Variants in CYGB observed in about 807,000 individuals in gnomAD.
The protein encoded by CYGB is histoglobin.
Under a neutral mutation model 20.7 loss-of-function variants are expected in CYGB, and 13 were observed. That is an observed-to-expected ratio of 0.63 (90% confidence interval 0.41 to 1.00). The LOEUF (loss-of-function observed/expected upper bound fraction) is 1.00, where lower values mean the gene tolerates loss of function less well. Among genes scored for constraint, CYGB ranks in the 50% least tolerant of loss-of-function variants. CYGB has a pLI of 0.00. For synonymous variants in CYGB, 93 were observed against 107.4 expected, an observed-to-expected ratio of 0.87 and a Z score of 0.83; for missense variants, 218 against 257.2, an observed-to-expected ratio of 0.85 and a Z score of 1.04.
chr17:76,544,019 G>A (rs2075023669), intron 1 of CYGB: 3 of 455,724 alleles, frequency 6.6e-6, no homozygotes, highest in African/African-American at 4.0e-5. Flanking sequence ...ATTTGCTGAT[G>A]CTCAGTCCCG....
upstream of CYGB, chr17:76,540,118 G>A (rs1470251445): frequency 1.3e-5 from 21 of 1,592,002 alleles, no homozygotes; most frequent in Non-Finnish European, 1.6e-5. The surrounding 1 kb of genome is among the most constrained non-coding windows in gnomAD (Gnocchi z 5.0). Flanking sequence ...GACTTGGCCT[G>A]GGAGGGGATG....
At chr17:76,541,763 A>G (rs2074995336), upstream of CYGB, among the ~76,000 whole-genome samples, 2 of 152,246 alleles carry the variant, frequency 1.3e-5, no homozygotes, top group Admixed American at 6.5e-5. Context: ...GGTCCACGCT[A>G]TTGAGCCCGG....
intron 1 of CYGB, among the ~76,000 whole-genome samples, chr17:76,532,637 T>G (rs1328962043): frequency 6.6e-6 from 1 of 151,420 alleles, no homozygotes; most frequent in African/African-American, 2.4e-5. Flanking sequence ...GTTCAAGTGA[T>G]TCTCTTGCCT....
rs2074828121 is a variant in CYGB at position 76,530,853 on chromosome 17, T to C, written c.539+126A>G. ...TGTTCTTACATGTCAGACCCCAGGG[T>C]TGGCCTGCCTCAAGTGTGCCTGCCC... On this transcript the variant is annotated intron_variant, in intron 3 of 3. Transcript: ENST00000293230. The surrounding 1 kb of genome is among the most constrained non-coding windows in gnomAD (Gnocchi z 6.1). 2 of 1,066,856 alleles carry C rather than the reference T, an allele frequency of 1.9e-6. No homozygotes were observed. Among genetic ancestry groups the C allele is most frequent in the Non-Finnish European group, 2.6e-6 (2 of 757,112 alleles). 66.1% of individuals were successfully genotyped at this position (1,066,856 alleles called of 1,614,324 possible).
At chr17:76,538,032 G>A (rs953775260), upstream of CYGB, 3 of 152,060 alleles carry the variant, frequency 2.0e-5, no homozygotes, top group East Asian at 5.8e-4. Flanking sequence ...GAGTGCGCTG[G>A]GGCGGGCGCG....
chr17:76,530,957 C>A lies in CYGB; in HGVS notation c.539+22G>T, dbSNP rs1415825266. The A allele has an allele frequency of 3.2e-6, 5 of 1,552,246 alleles. No individual in the cohort carries two copies. Among genetic ancestry groups the A allele is most frequent in the Non-Finnish European group, 2.6e-6 (3 of 1,146,040 alleles). On this transcript the variant is annotated intron_variant, in intron 3 of 3. Coordinates refer to ENST00000293230, the MANE Select transcript of CYGB (RefSeq NM_134268.5). The surrounding 1 kb of genome is among the most constrained non-coding windows in gnomAD (Gnocchi z 6.1). ...GGACATGGCGGGGAGGCTGCCCAGCCCACCCTCGCCCGCCTCCTCACGTGG... is the reference window on the plus strand; with the variant it reads ...GGACATGGCGGGGAGGCTGCCCAGCACACCCTCGCCCGCCTCCTCACGTGG...
upstream of CYGB, chr17:76,540,657 CTG>C: frequency 7.7e-7 from 1 of 1,300,660 alleles, no homozygotes; most frequent in South Asian, 1.2e-5. This position sits in a 1 kb window ranked among gnomAD's most constrained non-coding sequence, Gnocchi z 5.0. Flanking sequence ...ACGTGTGTGC[CTG>C]TGCGCGCCTG....
chr17:76,534,606 T>G (rs1375739559), intron 1 of CYGB, among the ~76,000 whole-genome samples: 1 of 152,242 alleles, frequency 6.6e-6, no homozygotes, highest in African/African-American at 2.4e-5. Context: ...TCTCCTGAGG[T>G]AGGCACTGTT....
chr17:76,548,570 C>T (rs375255262), intron 1 of CYGB, among the ~76,000 whole-genome samples: 17 of 152,276 alleles, frequency 1.1e-4, no homozygotes, highest in Non-Finnish European at 1.9e-4. Flanking sequence ...CTCTGGACCT[C>T]GGTTTCCTCA....
At position 76,544,583 on chromosome 17, in the gene CYGB, G is replaced by A. The variant is rs73998961; in HGVS notation, c.-53+6279C>T. On this transcript the variant is annotated intron_variant, in intron 1 of 3. Transcript: ENST00000589145. ...GAGCCTGCAGAGGCAAAGCCAGAGC[G>A]CCAGCCTGACCCAGGCCGTGAGCCC... is the stretch of plus-strand genomic sequence containing the variant. The A allele has an allele frequency of 0.019, 8,501 of 456,658 alleles. 230 individuals are homozygous for A. Among genetic ancestry groups the A allele is most frequent in the African/African-American group, 0.082 (4,104 of 50,176 alleles). 28.3% of individuals were successfully genotyped at this position (456,658 alleles called of 1,614,324 possible).
In CYGB at chr17:76,533,727, G is replaced by A. The variant is rs182374773; in HGVS notation, c.144-2036C>T. On this transcript the variant is annotated intron_variant, in intron 1 of 3. Coordinates refer to ENST00000293230, the MANE Select transcript of CYGB (RefSeq NM_134268.5). The surrounding 1 kb of genome is among the most constrained non-coding windows in gnomAD (Gnocchi z 4.5). ...GACAGAGTGAGACCCTGAATCCAAAGAAATAATGATAATAATAATAATAAA... is the reference window on the plus strand; with the variant it reads ...GACAGAGTGAGACCCTGAATCCAAAAAAATAATGATAATAATAATAATAAA... Among the ~76,000 whole-genome samples the A allele has an allele frequency of 2.2e-3, 339 of 151,130 alleles. No individual in the cohort carries two copies. Among genetic ancestry groups the A allele is most frequent in the African/African-American group, 7.6e-3 (313 of 41,118 alleles).
rs2074839247 is a variant in CYGB, at chr17:76,531,336, C to T, written c.375+124G>A. 1.5e-6 allele frequency: 2 copies of T among 1,308,092 alleles called. No homozygotes were observed. Among genetic ancestry groups the T allele is most frequent in the Admixed American group, 4.5e-5 (2 of 44,348 alleles). The allele number at this position is 1,308,092 out of a possible 1,614,324, so 81.0% of individuals were successfully genotyped here. A position where few individuals can be genotyped will look rare whatever the true frequency, so the allele number is the denominator to read the frequency against. ...TCCATCCTGCTGCCGGGCACTGCCC[C>T]TCCCTCTCGCAGCCACTCCGGGGAT... On this transcript the variant is annotated intron_variant, in intron 2 of 3. Coordinates refer to ENST00000293230, the MANE Select transcript of CYGB (RefSeq NM_134268.5). This position sits in a 1 kb window ranked among gnomAD's most constrained non-coding sequence, Gnocchi z 7.4.
upstream of CYGB, chr17:76,540,181 C>G: frequency 6.3e-7 from 1 of 1,578,882 alleles, no homozygotes; most frequent in South Asian, 1.1e-5. This position sits in a 1 kb window ranked among gnomAD's most constrained non-coding sequence, Gnocchi z 5.0. Flanking sequence ...CCTGGCCATG[C>G]TCTGGCGCCG....
chr17:76,543,037 C>G, intron 1 of CYGB: 1 of 473,586 alleles, frequency 2.1e-6, no homozygotes, highest in East Asian at 6.9e-5. Context: ...AGCTCAGGTC[C>G]TGGTTCGTCC....
chr17:76,537,520 A>C lies in CYGB; in HGVS notation c.23T>G (p.Met8Arg). The change falls in exon 1 of 4, where the codon ATG (methionine) becomes AGG (arginine). Residue 8 changes from methionine to arginine, a missense_variant. By Grantham distance (91) the Met-to-Arg change is moderately conservative. Around this residue, in one of 2 missense-constraint regions of CYGB, gnomAD observed 152 missense variants for 149.9 expected, o/e 1.01. Transcript: ENST00000293230. ...GCTCCGCTCCCTGCGCTCGATCTCC[A>C]TCTCGCCTGGCACTTTCTCCATGAG... MEKVPGE[M>R]EIERRERSEE... 1 of 1,570,164 alleles carries C rather than the reference A, an allele frequency of 6.4e-7. No individual in the cohort carries two copies. Among genetic ancestry groups the C allele is most frequent in the Non-Finnish European group, 8.6e-7 (1 of 1,160,656 alleles).
At chr17:76,547,221 G>A (rs1008634102) in intron 1 of CYGB, 1 of 152,290 alleles carries the variant, frequency 6.6e-6, no homozygotes, top group African/African-American at 2.4e-5. Flanking sequence ...TCCTCAGGAA[G>A]GATGTGGTGG....
At chr17:76,543,933 G>GT (rs1337569847) in intron 1 of CYGB, 1 of 470,226 alleles carries the variant, frequency 2.1e-6, no homozygotes, top group Non-Finnish European at 4.4e-6. Context: ...TGTGTTTTCT[G>GT]TATGTGTGCA....
chr17:76,542,113 A>G (rs2074998614), upstream of CYGB, among the ~76,000 whole-genome samples: 1 of 152,204 alleles, frequency 6.6e-6, no homozygotes, highest in Non-Finnish European at 1.5e-5. Flanking sequence ...GGCTTGCTCC[A>G]GATCATCTAT....
At chr17:76,538,197 G>A (rs2074944833), upstream of CYGB, 1 of 158,482 alleles carries the variant, frequency 6.3e-6, no homozygotes, top group Admixed American at 6.5e-5. Flanking sequence ...GCGAACAGGA[G>A]CCCCTCCGGC....
Sources: allele counts gnomAD v4.1 joint callset (sites outside exome capture counted in the v4.1 genomes callset), GRCh38; gene constraint gnomAD v4.1.1; regional missense constraint gnomAD v4.1.1; non-coding constraint Gnocchi (gnomAD v3.1); transcripts MANE v1.5; gene names NCBI Gene and HGNC (gene_info 2026-07-23, HGNC 2026-07-21).